The following PRKCE variants were observed in gnomAD, a reference collection of about 807,000 sequenced individuals.
The protein encoded by PRKCE is protein kinase C epsilon.
PRKCE carries 16 observed loss-of-function variants against 85.4 expected under a neutral mutation model. The ratio of observed to expected loss-of-function variants is 0.19; its 90% CI spans 0.13 to 0.28. PRKCE has a LOEUF of 0.28. PRKCE is among the 10% of genes least tolerant of loss of function. The pLI is 1.00. For missense variants in PRKCE, 573 were observed against 975.2 expected, an observed-to-expected ratio of 0.59 and a Z score of 5.49; for synonymous variants, 388 against 371.5, an observed-to-expected ratio of 1.04 and a Z score of -0.51.
At chr2:45,821,188 A>T (rs893931486) in intron 1 of PRKCE, among the ~76,000 whole-genome samples, 11 of 152,152 alleles carry the variant, frequency 7.2e-5, no homozygotes, top group African/African-American at 2.4e-4. Flanking sequence ...GAAGTTGGTG[A>T]TTGATGGAAA....
intron 2 of PRKCE, among the ~76,000 whole-genome samples, chr2:45,916,604 G>A (rs1413223621): frequency 5.9e-5 from 9 of 152,164 alleles, no homozygotes; most frequent in Admixed American, 5.9e-4. Context: ...GAGCAATTTT[G>A]ACATCCTCTC....
At chr2:46,059,566 CAG>C (rs1321804046) in intron 10 of PRKCE, among the ~76,000 whole-genome samples, 4 of 152,190 alleles carry the variant, frequency 2.6e-5, no homozygotes, top group Admixed American at 2.6e-4. Flanking sequence ...CTCACATTTG[CAG>C]AGATTAGTTA....
intron 1 of PRKCE, among the ~76,000 whole-genome samples, chr2:45,791,084 A>C (rs11898074): frequency 0.49 from 74,623 of 152,050 alleles, 19,129 homozygotes; most frequent in African/African-American, 0.64. Context: ...ACTTTGGTGA[A>C]GAAGGGAAGG....
At chr2:46,028,526 G>A (rs528353181) in intron 10 of PRKCE, among the ~76,000 whole-genome samples, 2 of 152,262 alleles carry the variant, frequency 1.3e-5, no homozygotes, top group East Asian at 3.9e-4. Flanking sequence ...TTCTATAGGG[G>A]ACATAGCACT....
At position 46,113,317 on chromosome 2, in the gene PRKCE, C is replaced by T. The variant is rs1234995482; in HGVS notation, c.1592+26955C>T. Among the ~76,000 whole-genome samples the T allele has an allele frequency of 5.3e-5, 8 of 152,258 alleles. No homozygotes were observed. The East Asian group carries it at 1.5e-3, about 29-fold the overall frequency. On this transcript the variant is annotated intron_variant, in intron 11 of 14. Coordinates refer to ENST00000306156, the MANE Select transcript of PRKCE (RefSeq NM_005400.3). Reference sequence around the variant, plus strand: ...AGTCAGACATCCATGTGTTTGAATCCCAGACGGTACTTACAGATATCTGAA... The same window carrying T: ...AGTCAGACATCCATGTGTTTGAATCTCAGACGGTACTTACAGATATCTGAA...
chr2:45,656,124 T>G (rs542177394), intron 1 of PRKCE, among the ~76,000 whole-genome samples: 1 of 152,354 alleles, frequency 6.6e-6, no homozygotes, highest in South Asian at 2.1e-4. Context: ...TTCTGAGTAC[T>G]GCCTGTGCTT....
chr2:45,888,232 T>C (rs1251176710), intron 2 of PRKCE, among the ~76,000 whole-genome samples: 1 of 152,216 alleles, frequency 6.6e-6, no homozygotes, highest in African/African-American at 2.4e-5. Context: ...TGAAACTTGT[T>C]AAGCTGTAGT....
chr2:45,842,135 C>T (rs898134607), intron 1 of PRKCE, among the ~76,000 whole-genome samples: 2 of 152,174 alleles, frequency 1.3e-5, no homozygotes, highest in Non-Finnish European at 2.9e-5. Context: ...TCTTTAACTA[C>T]AAGAGGCCCA....
intron 14 of PRKCE, among the ~76,000 whole-genome samples, chr2:46,174,066 A>G (rs1328967960): frequency 1.3e-5 from 2 of 152,248 alleles, no homozygotes; most frequent in Admixed American, 6.5e-5. Context: ...GTCCATTTAG[A>G]AAATAGATAT....
At chr2:45,947,408 G>A (rs973572149) in intron 2 of PRKCE, among the ~76,000 whole-genome samples, 1 of 152,092 alleles carries the variant, frequency 6.6e-6, no homozygotes, top group Non-Finnish European at 1.5e-5. Flanking sequence ...TGACTGTAGG[G>A]ATGATTACAT....
At chr2:45,788,804 G>A (rs1462073617) in intron 1 of PRKCE, among the ~76,000 whole-genome samples, 1 of 152,124 alleles carries the variant, frequency 6.6e-6, no homozygotes, top group Non-Finnish European at 1.5e-5. Context: ...GGATTTTTAG[G>A]TCTGAAGAAA....
At chr2:46,095,727 GTGT>G (rs1400311842) in intron 11 of PRKCE, among the ~76,000 whole-genome samples, 1 of 152,144 alleles carries the variant, frequency 6.6e-6, no homozygotes, top group Non-Finnish European at 1.5e-5. Flanking sequence ...TTCCAACATT[GTGT>G]TGCATTCTTT....
At chr2:45,848,310 A>T (rs1573594756) in intron 2 of PRKCE, among the ~76,000 whole-genome samples, 3 of 150,458 alleles carry the variant, frequency 2.0e-5, no homozygotes, top group African/African-American at 4.9e-5. Flanking sequence ...TTAGCAATTC[A>T]TTTTTTTTTT....
At chr2:46,042,455 A>G (rs1483378533) in intron 10 of PRKCE, among the ~76,000 whole-genome samples, 1 of 152,252 alleles carries the variant, frequency 6.6e-6, no homozygotes, top group African/African-American at 2.4e-5. Context: ...TTAGAGTCCA[A>G]GATTCTGTTC....
At position 46,050,814 on chromosome 2, in the gene PRKCE, A is replaced by C. The variant is rs969615012; in HGVS notation, c.1438-35394A>C. On this transcript the variant is annotated intron_variant, in intron 10 of 14. Coordinates refer to ENST00000306156, the MANE Select transcript of PRKCE (RefSeq NM_005400.3). ...AACACATTTGGAGGCATCTTCTCTC[A>C]TTTCCTTCATTCTTGTCAAAGTCTC... Among the ~76,000 whole-genome samples, 3 of 152,254 alleles carry C rather than the reference A, an allele frequency of 2.0e-5. No individual in the cohort carries two copies. In the East Asian group the frequency reaches 5.8e-4, roughly 29 times the overall value.
intron 1 of PRKCE, among the ~76,000 whole-genome samples, chr2:45,653,013 C>A (rs1241066320): frequency 1.3e-5 from 2 of 152,164 alleles, no homozygotes; most frequent in African/African-American, 4.8e-5. Flanking sequence ...TCCAGGATGT[C>A]TCCTCTATGG....
intron 6 of PRKCE, among the ~76,000 whole-genome samples, chr2:45,990,742 A>G (rs542251783): frequency 5.9e-5 from 9 of 151,280 alleles, no homozygotes; most frequent in Non-Finnish European, 1.2e-4. Context: ...GCTCACTGCA[A>G]CTTTCACCTC....
At chr2:45,897,371 G>A (rs556917914) in intron 2 of PRKCE, among the ~76,000 whole-genome samples, 23 of 152,294 alleles carry the variant, frequency 1.5e-4, no homozygotes, top group East Asian at 1.2e-3. Context: ...TGTGAGAGAC[G>A]GCATCATTGC....
chr2:45,991,045 CA>C (rs1408610862), intron 6 of PRKCE, among the ~76,000 whole-genome samples: 1 of 149,640 alleles, frequency 6.7e-6, no homozygotes, highest in African/African-American at 2.5e-5. Flanking sequence ...CTCACTTTGT[CA>C]CCCAGGCTGG....
Sources: gnomAD v4.1 joint callset for allele counts (sites outside exome capture counted in the v4.1 genomes callset) on GRCh38, gnomAD v4.1.1 for gene constraint, MANE v1.5 for transcripts, NCBI Gene and HGNC (gene_info 2026-07-23, HGNC 2026-07-21) for gene names.